Variants in TYW1 observed in about 807,000 individuals in gnomAD.
TYW1 encodes the protein tRNA-yW synthesizing protein 1 homolog.
TYW1 carries 46 observed loss-of-function variants against 96.2 expected under a neutral mutation model. The ratio of observed to expected loss-of-function variants is 0.48; its 90% CI spans 0.38 to 0.61. The LOEUF (loss-of-function observed/expected upper bound fraction) is 0.61, where lower values mean the gene tolerates loss of function less well. Among genes scored for constraint, TYW1 ranks in the 20% least tolerant of loss-of-function variants. TYW1 has a pLI of 0.00. For missense variants in TYW1, 684 were observed against 909.6 expected (o/e 0.75, Z 3.19); for synonymous variants, 274 against 323.0 (o/e 0.85, Z 1.63).
At chr7:67,090,258 G>A (rs1041460989) in intron 11 of TYW1, among the ~76,000 whole-genome samples, 2 of 152,102 alleles carry the variant, frequency 1.3e-5, no homozygotes, top group African/African-American at 4.8e-5. Flanking sequence ...ATATCAAACA[G>A]GTATTATTTA....
chr7:67,161,985 G>T (rs1799175744), intron 13 of TYW1, among the ~76,000 whole-genome samples: 2 of 152,024 alleles, frequency 1.3e-5, no homozygotes, highest in South Asian at 4.1e-4. Context: ...TCGGCACAGG[G>T]AGGTTAATTG....
At chr7:67,086,964 G>T (rs865902006) in intron 11 of TYW1, among the ~76,000 whole-genome samples, 1 of 152,140 alleles carries the variant, frequency 6.6e-6, no homozygotes, top group African/African-American at 2.4e-5. Context: ...CTGAGGATGT[G>T]TGTTTCCTGG....
At chr7:67,004,356 G>A (rs1015516101) in intron 3 of TYW1, among the ~76,000 whole-genome samples, 3 of 152,096 alleles carry the variant, frequency 2.0e-5, no homozygotes, top group Non-Finnish European at 4.4e-5. Flanking sequence ...TGGGGGAGGG[G>A]TGAGTGAGTT....
intron 15 of TYW1, among the ~76,000 whole-genome samples, chr7:67,196,447 G>C (rs1441446083): frequency 6.6e-6 from 1 of 151,226 alleles, no homozygotes; most frequent in Non-Finnish European, 1.5e-5. Flanking sequence ...GTCTTCTCCA[G>C]TGCCTTGTTA....
chr7:67,058,567 C>A (rs1420172942), intron 9 of TYW1, among the ~76,000 whole-genome samples: 2 of 152,040 alleles, frequency 1.3e-5, no homozygotes, highest in African/African-American at 4.8e-5. Flanking sequence ...ACTGCAGCCT[C>A]CCACCTCCTG....
chr7:67,016,846 T>C (rs532997640), intron 5 of TYW1, among the ~76,000 whole-genome samples: 11 of 151,694 alleles, frequency 7.3e-5, no homozygotes, highest in African/African-American at 2.4e-4. Flanking sequence ...AGGCTGGTGT[T>C]GAACTCGGGC....
At chr7:67,212,661 C>T (rs1160433791) in intron 15 of TYW1, among the ~76,000 whole-genome samples, 2 of 107,868 alleles carry the variant, frequency 1.9e-5, no homozygotes, top group Non-Finnish European at 4.0e-5. Context: ...GTGTATATCA[C>T]GGTTTTTTTG....
At chr7:67,192,930 A>T (rs1355657984) in intron 14 of TYW1, among the ~76,000 whole-genome samples, 3 of 152,210 alleles carry the variant, frequency 2.0e-5, no homozygotes, top group Non-Finnish European at 4.4e-5. Flanking sequence ...GTCCTCGGAC[A>T]CGCGCAGTTG....
intron 5 of TYW1, among the ~76,000 whole-genome samples, chr7:67,015,927 C>A (rs1156268971): frequency 6.6e-6 from 1 of 151,018 alleles, no homozygotes; most frequent in African/African-American, 2.4e-5. Context: ...CTCACCACTG[C>A]ACTCTAGCCT....
chr7:67,072,982 C>G (rs1042244008), intron 10 of TYW1, among the ~76,000 whole-genome samples: 3 of 101,266 alleles, frequency 3.0e-5, no homozygotes, highest in African/African-American at 1.2e-4. Flanking sequence ...CAGGGTCTTG[C>G]TATGTTTCTC....
At chr7:67,015,851 T>A (rs1016620747) in intron 5 of TYW1, among the ~76,000 whole-genome samples, 1 of 151,590 alleles carries the variant, frequency 6.6e-6, no homozygotes, top group African/African-American at 2.4e-5. Flanking sequence ...TAGTTCCAGC[T>A]ACTCGGGAGG....
chr7:67,060,509 A>G (rs1284034132), intron 9 of TYW1, among the ~76,000 whole-genome samples: 1 of 152,400 alleles, frequency 6.6e-6, no homozygotes, highest in South Asian at 2.1e-4. Flanking sequence ...GGGAATTAGA[A>G]GAGACCTGCT....
chr7:67,212,316 G>T lies in TYW1; in HGVS notation c.1977+16979G>T, dbSNP rs532166482. Among the ~76,000 whole-genome samples, 27 of 135,296 alleles carry T rather than the reference G, an allele frequency of 2.0e-4. No homozygotes were observed. In the South Asian group the frequency reaches 6.3e-3, roughly 32 times the overall value. 88.8% of individuals were successfully genotyped at this position (135,296 alleles called of 152,430 possible). A position where few individuals can be genotyped will look rare whatever the true frequency, so the allele number is the denominator to read the frequency against. ...TAAGATTCTTTCGTGCATTTTCCTGGCTTGATAGCTCATTTTTTTTTTTTA... is the reference window on the plus strand; with the variant it reads ...TAAGATTCTTTCGTGCATTTTCCTGTCTTGATAGCTCATTTTTTTTTTTTA... On this transcript the variant is annotated intron_variant, in intron 15 of 15. Coordinates refer to ENST00000359626, the MANE Select transcript of TYW1 (RefSeq NM_018264.4).
chr7:67,079,046 T>C (rs1327970139), intron 10 of TYW1, among the ~76,000 whole-genome samples: 1 of 152,170 alleles, frequency 6.6e-6, no homozygotes, highest in Non-Finnish European at 1.5e-5. Context: ...ATTTTCCTTT[T>C]CTTTTTTGTT....
chr7:67,108,787 A>G (rs1259890467), intron 12 of TYW1, among the ~76,000 whole-genome samples: 1 of 152,082 alleles, frequency 6.6e-6, no homozygotes, highest in Non-Finnish European at 1.5e-5. Flanking sequence ...TCACAGAAAA[A>G]TTACCAAATG....
intron 12 of TYW1, among the ~76,000 whole-genome samples, chr7:67,107,304 C>T (rs1584569010): frequency 6.6e-6 from 1 of 152,286 alleles, no homozygotes; most frequent in Non-Finnish European, 1.5e-5. Flanking sequence ...TAAATACGGC[C>T]TGATACTTTC....
Position 67,164,010 on chromosome 7 carries a change from G to T in TYW1, c.1699-19116G>T, listed in dbSNP as rs533099661. 3.3e-5 allele frequency among the ~76,000 whole-genome samples: 5 copies of T among 152,190 alleles called. No individual in the cohort carries two copies. In the South Asian group the frequency reaches 1.0e-3, roughly 32 times the overall value. ...AGTATCTACTGTAATGGATAGCGGAGATCAGGCATATCAAGAGACTGTTAA... is the reference window on the plus strand; with the variant it reads ...AGTATCTACTGTAATGGATAGCGGATATCAGGCATATCAAGAGACTGTTAA... On this transcript the variant is annotated intron_variant, in intron 13 of 15. Transcript: ENST00000359626.
At chr7:67,092,929 T>C (rs13311026) in intron 11 of TYW1, among the ~76,000 whole-genome samples, 4 of 152,002 alleles carry the variant, frequency 2.6e-5, no homozygotes, top group African/African-American at 9.7e-5. Flanking sequence ...ATGATCCACC[T>C]GCCTCAGCCT....
rs1401597461 is a variant in TYW1, at chr7:67,097,992, C to T, written c.1385-549C>T. 2.0e-5 allele frequency among the ~76,000 whole-genome samples: 3 copies of T among 152,096 alleles called. No homozygotes were observed. In the South Asian group the frequency reaches 6.2e-4, roughly 32 times the overall value. On this transcript the variant is annotated intron_variant, in intron 11 of 15. Transcript: ENST00000359626. ...CTGGGATTACAGGTGTGAGCTACTG[C>T]GCCTGGCCTGTAGAAGTATTTTTTG...
Sources: allele counts gnomAD v4.1 joint callset (sites outside exome capture counted in the v4.1 genomes callset), GRCh38; gene constraint gnomAD v4.1.1; transcripts MANE v1.5; gene names NCBI Gene and HGNC (gene_info 2026-07-23, HGNC 2026-07-21).